CLDN5: variants seen among roughly 807,000 people sequenced by gnomAD.
The protein encoded by CLDN5 is claudin 5, also known as claudin-5.
CLDN5 carries 4 observed loss-of-function variants against 1.3 expected under a neutral mutation model. The observed-to-expected ratio is 3.07, with a 90% CI of 1.51 to 7.03. The LOEUF (loss-of-function observed/expected upper bound fraction) is 7.03, where lower values mean the gene tolerates loss of function less well. Among genes scored for constraint, CLDN5 ranks in the 30% most tolerant of loss-of-function variants. The probability of loss-of-function intolerance (pLI) is 0.00; values close to 1 mark genes in which losing one functional copy is unlikely to be tolerated. For synonymous variants in CLDN5, 156 were observed against 152.3 expected (o/e 1.02, Z -0.18); for missense variants, 225 against 303.5 (o/e 0.74, Z 1.92).
rs964383764 is a variant in CLDN5, at chr22:19,523,563, T to C, written c.*36A>G. ...AGGCTTATCCAACGCCTCGCAGGCG[T>C]GGCTGGCAGGAGGGGCCCGGCCGTG... On this transcript the variant is annotated 3_prime_UTR_variant, in exon 1 of 1. Coordinates refer to ENST00000618236, the MANE Select transcript of CLDN5 (RefSeq NM_001363066.2). 2 of 1,524,240 alleles carry C rather than the reference T, an allele frequency of 1.3e-6. No homozygotes were observed. Among genetic ancestry groups the C allele is most frequent in the Non-Finnish European group, 1.7e-6 (2 of 1,143,196 alleles). The allele number at this position is 1,524,240 out of a possible 1,614,324, so 94.4% of individuals were successfully genotyped here.
chr22:19,524,010 C>G lies in CLDN5; in HGVS notation c.246G>C (p.Ala82=). Residue 82 remains alanine (A), a synonymous_variant, in exon 1 of 1, where the codon GCG becomes GCC. Coordinates refer to ENST00000618236, the MANE Select transcript of CLDN5 (RefSeq NM_001363066.2). ...ALSTEVQAAR[A]LTVSAVLLAF... is the part of the protein sequence containing the mutation. ...CCAGCAGCACGGCGCTCACGGTGAG[C>G]GCCCGCGCCGCCTGCACCTCGGTGC... 1 of 1,591,204 alleles carries G rather than the reference C, an allele frequency of 6.3e-7. No individual in the cohort carries two copies. The highest frequency in any genetic ancestry group is 1.1e-5 in the South Asian group (1 of 90,006).
chr22:19,524,987 CAGAG>C (rs1934199727), upstream of CLDN5: 5 of 1,006,198 alleles, frequency 5.0e-6, no homozygotes, highest in South Asian at 4.7e-5. Flanking sequence ...CCATGGCAAA[CAGAG>C]AGGCCAGGCA....
Position 19,523,459 on chromosome 22 carries a change from C to T in CLDN5, c.*140G>A, listed in dbSNP as rs1934150028. 2.4e-6 allele frequency: 3 copies of T among 1,232,936 alleles called. No homozygotes were observed. The highest frequency in any genetic ancestry group is 1.6e-5 in the South Asian group (1 of 60,908). The allele number at this position is 1,232,936 out of a possible 1,614,324, so 76.4% of individuals were successfully genotyped here. On this transcript the variant is annotated 3_prime_UTR_variant, in exon 1 of 1. Transcript: ENST00000618236. Reference sequence around the variant, plus strand: ...GCAGGAGCGGATCCAGGAGCCGCGTCGGGGCGCAGAGCCGGACGTTCCGAG... The same window carrying T: ...GCAGGAGCGGATCCAGGAGCCGCGTTGGGGCGCAGAGCCGGACGTTCCGAG...
At chr22:19,525,144 G>A (rs1051830079), upstream of CLDN5, 14 of 1,000,482 alleles carry the variant, frequency 1.4e-5, no homozygotes, top group Non-Finnish European at 1.2e-5. Context: ...AGCCGCAGGG[G>A]CTTCCCAGAC....
upstream of CLDN5, chr22:19,525,241 A>C (rs1934204892): frequency 1.0e-6 from 1 of 1,000,318 alleles, no homozygotes; most frequent in Admixed American, 6.1e-5. Flanking sequence ...ACACCACTTC[A>C]GGAAGTTCCC....
chr22:19,524,365 C>A lies in CLDN5; in HGVS notation c.-110G>T. ...TGCGCCCGCGCTCCCGGCTCTTGGC[C>A]CCAGTCCGTTTGCCCCGCGGGTCTG... On this transcript the variant is annotated 5_prime_UTR_variant, in exon 1 of 1. Coordinates refer to ENST00000618236, the MANE Select transcript of CLDN5 (RefSeq NM_001363066.2). 3 of 1,475,166 alleles carry A rather than the reference C, an allele frequency of 2.0e-6. No homozygotes were observed. Among genetic ancestry groups the A allele is most frequent in the Admixed American group, 2.5e-5 (1 of 39,812 alleles). The allele number at this position is 1,475,166 out of a possible 1,614,324, so 91.4% of individuals were successfully genotyped here.
upstream of CLDN5, chr22:19,524,613 C>T (rs941637898): frequency 2.1e-5 from 29 of 1,352,276 alleles, 1 homozygote; most frequent in South Asian, 5.0e-4. Flanking sequence ...CCGGCAGCCG[C>T]CCCCAGCCCC....
In CLDN5 at chr22:19,523,963, G is replaced by A. The variant is rs1409246227; in HGVS notation, c.293C>T (p.Thr98Ile). The change falls in exon 1 of 1, where the codon ACC becomes ATC. Residue 98 changes from threonine (T) to isoleucine (I), a missense_variant. By Grantham distance (89) the Thr-to-Ile change is moderately conservative. Around this residue, in one of 3 missense-constraint regions of CLDN5, gnomAD observed 165 missense variants for 211.9 expected, o/e 0.78. Transcript: ENST00000618236. The part of the protein sequence containing the change: ...VLLAFVALFV[T>I]LAGAQCTTCV... ...GGTGGTGCACTGCGCGCCCGCCAGG[G>A]TCACGAAGAGCGCAACGAACGCCAG... The A allele has an allele frequency of 6.9e-6, 11 of 1,588,268 alleles. No homozygotes were observed. Among genetic ancestry groups the A allele is most frequent in the Non-Finnish European group, 9.4e-6 (11 of 1,172,896 alleles).
chr22:19,524,498 G>A (rs1261453237), upstream of CLDN5: 3 of 1,420,542 alleles, frequency 2.1e-6, no homozygotes, highest in African/African-American at 1.5e-5. Context: ...CAGCCAATCC[G>A]TGCGCGGGTC....
upstream of CLDN5, chr22:19,524,447 G>T: frequency 6.9e-7 from 1 of 1,439,184 alleles, no homozygotes; most frequent in Non-Finnish European, 9.1e-7. Flanking sequence ...GAAGGTTCGG[G>T]GGCGGATTCT....
At chr22:19,525,087 C>T (rs374442037), upstream of CLDN5, 968 of 1,000,900 alleles carry the variant, frequency 9.7e-4, 4 homozygotes, top group African/African-American at 0.016. Context: ...TGGCAAAAAG[C>T]GGTGGCACAG....
upstream of CLDN5, chr22:19,524,465 G>A (rs1290285486): frequency 2.4e-5 from 34 of 1,433,390 alleles, no homozygotes; most frequent in African/African-American, 1.2e-4. Flanking sequence ...TCTGTCCCCC[G>A]GGCCCGGCCC....
At chr22:19,524,561 C>T (rs1026023306), upstream of CLDN5, 10 of 1,385,038 alleles carry the variant, frequency 7.2e-6, no homozygotes, top group Non-Finnish European at 8.4e-6. Flanking sequence ...AGGGAAACAA[C>T]GGCTCTTGAG....
Position 19,524,036 on chromosome 22 carries a change from T to C in CLDN5, c.220A>G (p.Ser74Gly), listed in dbSNP as rs764578402. 10 of 1,600,088 alleles carry C rather than the reference T, an allele frequency of 6.2e-6. No homozygotes were observed. Among genetic ancestry groups the C allele is most frequent in the Non-Finnish European group, 8.5e-6 (10 of 1,178,586 alleles). ...GCCCGCGCCGCCTGCACCTCGGTGC[T>C]CAGAGCCAGCACCGAGTCGTACACT... ...CKVYDSVLALSTEVQAARALT... is the reference protein window; with the variant it reads ...CKVYDSVLALGTEVQAARALT... Residue 74 changes from serine (S) to glycine (G), a missense_variant, in exon 1 of 1, where the codon AGC becomes GGC. By Grantham distance (56) the Ser-to-Gly change is moderately conservative (BLOSUM62 0). This residue lies in a region of CLDN5 where 165 missense variants were observed against 211.9 expected (regional missense o/e 0.78). Coordinates refer to ENST00000618236, the MANE Select transcript of CLDN5 (RefSeq NM_001363066.2).
rs1245031850 is a variant in CLDN5, at chr22:19,524,281, A to G, written c.-26T>C. 6.5e-7 allele frequency: 1 copy of G among 1,550,062 alleles called. No individual in the cohort carries two copies. Among genetic ancestry groups the G allele is most frequent in the East Asian group, 2.4e-5 (1 of 41,000 alleles). Reference sequence around the variant, plus strand: ...GGCTAGAGGCGAGACGCGCACCCGAAGGCCCGCAGAACCCCCAAGGCCGTG... The same window carrying G: ...GGCTAGAGGCGAGACGCGCACCCGAGGGCCCGCAGAACCCCCAAGGCCGTG... On this transcript the variant is annotated 5_prime_UTR_variant, in exon 1 of 1. Coordinates refer to ENST00000618236, the MANE Select transcript of CLDN5 (RefSeq NM_001363066.2).
upstream of CLDN5, chr22:19,525,093 C>T: frequency 6.0e-6 from 6 of 1,000,860 alleles, no homozygotes; most frequent in Non-Finnish European, 7.2e-6. Flanking sequence ...AAAGCGGTGG[C>T]ACAGGGGCTT....
In CLDN5 at chr22:19,523,647, C is replaced by A; in HGVS notation, c.609G>T (p.Pro203=). 1 of 1,602,510 alleles carries A rather than the reference C, an allele frequency of 6.2e-7. No individual in the cohort carries two copies. Among genetic ancestry groups the A allele is most frequent in the Non-Finnish European group, 8.5e-7 (1 of 1,176,832 alleles). The change falls in exon 1 of 1, where the codon CCG becomes CCT. Residue 203 remains proline, a synonymous_variant. Transcript: ENST00000618236. ...DLSFPVKYSA[P]RRPTATGDYD... is the part of the protein sequence containing the mutation. ...AGTCGCCGGTGGCCGTGGGCCGCCG[C>A]GGCGCTGAGTACTTCACGGGGAAGC... is the stretch of plus-strand genomic sequence containing the variant.
chr22:19,523,466 C>T lies in CLDN5; in HGVS notation c.*133G>A. 7.8e-7 allele frequency: 1 copy of T among 1,289,516 alleles called. No homozygotes were observed. The highest frequency in any genetic ancestry group is 3.1e-5 in the Admixed American group (1 of 32,602). The allele number at this position is 1,289,516 out of a possible 1,614,324, so 79.9% of individuals were successfully genotyped here. A position where few individuals can be genotyped will look rare whatever the true frequency, so the allele number is the denominator to read the frequency against. On this transcript the variant is annotated 3_prime_UTR_variant, in exon 1 of 1. Coordinates refer to ENST00000618236, the MANE Select transcript of CLDN5 (RefSeq NM_001363066.2). ...CGGATCCAGGAGCCGCGTCGGGGCGCAGAGCCGGACGTTCCGAGGAGCCTG... is the reference window on the plus strand; with the variant it reads ...CGGATCCAGGAGCCGCGTCGGGGCGTAGAGCCGGACGTTCCGAGGAGCCTG...
In CLDN5 at chr22:19,523,500, G is replaced by A. The variant is rs1200421571; in HGVS notation, c.*99C>T. On this transcript the variant is annotated 3_prime_UTR_variant, in exon 1 of 1. Transcript: ENST00000618236. ...ACGTTCCGAGGAGCCTGCGCGCCGC[G>A]CTACCCGGCGGAAGCCGCGGTCCAT... 4 of 1,440,394 alleles carry A rather than the reference G, an allele frequency of 2.8e-6. No homozygotes were observed. The highest frequency in any genetic ancestry group is 5.2e-5 in the Admixed American group (2 of 38,350). The allele number at this position is 1,440,394 out of a possible 1,614,324, so 89.2% of individuals were successfully genotyped here.
Sources: allele counts gnomAD v4.1 joint callset, GRCh38; gene constraint gnomAD v4.1.1; regional missense constraint gnomAD v4.1.1; transcripts MANE v1.5; gene names NCBI Gene and HGNC (gene_info 2026-07-23, HGNC 2026-07-21).